COL28A1: variants seen among roughly 807,000 people sequenced by gnomAD.
COL28A1 encodes the protein collagen alpha-1(XXVIII) chain.
In COL28A1, 161 loss-of-function variants were observed where a neutral mutation model predicts 150.2. That is an observed-to-expected ratio of 1.07 (90% CI 0.94 to 1.22). The LOEUF is 1.22. Among genes scored for constraint, COL28A1 ranks in the 50% most tolerant of loss-of-function variants. The probability of loss-of-function intolerance (pLI) is 0.00; values close to 1 mark genes in which losing one functional copy is unlikely to be tolerated. For synonymous variants in COL28A1, 552 were observed against 469.7 expected (o/e 1.18, Z -2.26); for missense variants, 1,617 against 1,388.3 (o/e 1.16, Z -2.62).
chr7:7,377,159 T>C (rs17167062), intron 30 of COL28A1, among the ~76,000 whole-genome samples: 17,198 of 152,290 alleles, frequency 0.11, 1,385 homozygotes, highest in African/African-American at 0.22. Flanking sequence ...GAGCAATGCA[T>C]GTATCAAGGT....
Position 7,506,801 on chromosome 7 carries a change from GC to G in COL28A1, c.972+315del, listed in dbSNP as rs771588808. Reference sequence around the variant, plus strand: ...AGCAGTGCAAAAATAGTTACATCCTGCTTTTAACCACTTGACTTTCCATCTT... The same window carrying G: ...AGCAGTGCAAAAATAGTTACATCCTGTTTTAACCACTTGACTTTCCATCTT... On this transcript the variant is annotated intron_variant, in intron 10 of 34. Transcript: ENST00000399429. Among the ~76,000 whole-genome samples the G allele has an allele frequency of 9.2e-5, 14 of 152,226 alleles. No individual in the cohort carries two copies. In the South Asian group the frequency reaches 2.9e-3, roughly 32 times the overall value.
At chr7:7,347,845 G>A in the COL28A1 span, among the ~76,000 whole-genome samples, 6 of 152,166 alleles carry the variant, frequency 3.9e-5, no homozygotes, top group Admixed American at 3.9e-4. Context: ...TGGAGGGGAT[G>A]CTGAAACAGG....
At chr7:7,472,139 C>T (rs1788486270) in intron 15 of COL28A1, among the ~76,000 whole-genome samples, 1 of 152,062 alleles carries the variant, frequency 6.6e-6, no homozygotes, top group African/African-American at 2.4e-5. Context: ...TCTCACCACC[C>T]CTCTGACACA....
At position 7,490,548 on chromosome 7, in the gene COL28A1, A is replaced by G. The variant is rs138884888; in HGVS notation, c.1095+30T>C. The stretch of plus-strand genomic sequence containing the variant: ...AGGCCCTACAATAAATTCAACAGTC[A>G]TCAGTGGGCAAAAAGACAAGTATCT... On this transcript the variant is annotated intron_variant, in intron 12 of 34. Transcript: ENST00000399429. 1.1e-4 allele frequency: 102 copies of G among 939,314 alleles called. No homozygotes were observed. In the African/African-American group the frequency reaches 1.2e-3, roughly 11 times the overall value. The allele number at this position is 939,314 out of a possible 1,614,324, so 58.2% of individuals were successfully genotyped here.
chr7:7,384,194 T>A (rs1449034218), intron 27 of COL28A1, among the ~76,000 whole-genome samples: 1 of 152,178 alleles, frequency 6.6e-6, no homozygotes, highest in Non-Finnish European at 1.5e-5. Flanking sequence ...CACTTTGGTA[T>A]CTCTTGAGCC....
intron 12 of COL28A1, among the ~76,000 whole-genome samples, chr7:7,490,342 G>T (rs1217813563): frequency 6.6e-6 from 1 of 152,188 alleles, no homozygotes; most frequent in Non-Finnish European, 1.5e-5. Flanking sequence ...AAAAGGGTGG[G>T]TATTTGGAGA....
chr7:7,344,380 G>A, the COL28A1 span, among the ~76,000 whole-genome samples: 5 of 151,554 alleles, frequency 3.3e-5, no homozygotes, highest in South Asian at 2.1e-4. Flanking sequence ...ATCCTCTAAT[G>A]GCTTTTTAGT....
chr7:7,411,935 T>G (rs1783811991), intron 27 of COL28A1, among the ~76,000 whole-genome samples: 1 of 152,152 alleles, frequency 6.6e-6, no homozygotes, highest in African/African-American at 2.4e-5. Context: ...ATACTTTCTG[T>G]TCTCTTCTGG....
intron 8 of COL28A1, among the ~76,000 whole-genome samples, chr7:7,515,269 G>A (rs1268768438): frequency 6.6e-6 from 1 of 152,138 alleles, no homozygotes; most frequent in Non-Finnish European, 1.5e-5. Flanking sequence ...ATCCTAACTT[G>A]TAACTCGCAA....
intron 30 of COL28A1, among the ~76,000 whole-genome samples, chr7:7,377,859 G>A (rs1206521770): frequency 2.0e-5 from 3 of 150,738 alleles, no homozygotes; most frequent in African/African-American, 7.3e-5. Context: ...AGTAATGGAT[G>A]AGGAGGACAG....
intron 11 of COL28A1, among the ~76,000 whole-genome samples, chr7:7,504,097 C>A (rs1369828274): frequency 1.3e-5 from 2 of 152,136 alleles, no homozygotes; most frequent in African/African-American, 4.8e-5. Context: ...ATAACCAACC[C>A]CCCCAAAACA....
rs368027652 is a variant in COL28A1, at chr7:7,370,792, C to T, written c.2999G>A (p.Gly1000Glu). 9.3e-6 allele frequency: 15 copies of T among 1,613,566 alleles called. No individual in the cohort carries two copies. In the African/African-American group the frequency reaches 1.5e-4, roughly 16 times the overall value. ...QIFGSSSPQP[G>E]FGMSGEELSE... is the part of the protein sequence containing the mutation. ...GAGTTCTTCCCCTGACATCCCAAATCCAGGTTGAGGTGACGATGAACCAAA... is the reference window on the plus strand; with the variant it reads ...GAGTTCTTCCCCTGACATCCCAAATTCAGGTTGAGGTGACGATGAACCAAA... The change falls in exon 33 of 35, where the codon GGA becomes GAA. Residue 1000 changes from glycine (G) to glutamate (E), a missense_variant. Physicochemically the swap from Gly to Glu is moderately conservative, Grantham distance 98 (BLOSUM62 -2). Transcript: ENST00000399429.
At chr7:7,422,273 G>A (rs1430587853) in intron 25 of COL28A1, among the ~76,000 whole-genome samples, 1 of 152,086 alleles carries the variant, frequency 6.6e-6, no homozygotes, top group Admixed American at 6.6e-5. Flanking sequence ...CCCAGATTTG[G>A]TGGCTTCCTC....
intron 25 of COL28A1, among the ~76,000 whole-genome samples, chr7:7,420,471 G>A (rs1211785477): frequency 6.6e-6 from 1 of 152,234 alleles, no homozygotes; most frequent in Non-Finnish European, 1.5e-5. Context: ...CCTGATGAGG[G>A]TAGGTGACGC....
At position 7,511,127 on chromosome 7, in the gene COL28A1, A is replaced by G; in HGVS notation, c.891T>C (p.Arg297=). The stretch of plus-strand genomic sequence containing the variant: ...TTATCCCTGGTTTACCACATTCCCC[A>G]CGTTCACCCTAAAAAATAAATAAGT... The part of the protein sequence containing the change: ...IPGYKGDKGE[R]GECGKPGIKG... Residue 297 remains arginine (R), a synonymous_variant, in exon 9 of 35, where the codon CGT becomes CGC. Transcript: ENST00000399429. The G allele has an allele frequency of 6.2e-7, 1 of 1,611,836 alleles. No homozygotes were observed. Among genetic ancestry groups the G allele is most frequent in the East Asian group, 2.2e-5 (1 of 44,834 alleles).
At chr7:7,482,049 C>T (rs562742932) in intron 13 of COL28A1, among the ~76,000 whole-genome samples, 10 of 151,962 alleles carry the variant, frequency 6.6e-5, no homozygotes, top group African/African-American at 2.2e-4. Context: ...AAGTAGGTCT[C>T]GGAGCTAGAA....
intron 13 of COL28A1, among the ~76,000 whole-genome samples, chr7:7,477,486 G>C (rs938973303): frequency 6.6e-6 from 1 of 152,190 alleles, no homozygotes. Context: ...ATTGTGTCTG[G>C]AATTGGTGGG....
Position 7,531,840 on chromosome 7 carries a change from G to C in COL28A1, c.189C>G (p.Leu63=), listed in dbSNP as rs763035613. The C allele has an allele frequency of 1.2e-6, 2 of 1,607,974 alleles. No homozygotes were observed. Among genetic ancestry groups the C allele is most frequent in the South Asian group, 2.2e-5 (2 of 90,948 alleles). The change falls in exon 3 of 35, where the codon CTC becomes CTG. Residue 63 remains leucine (L), a synonymous_variant. Coordinates refer to ENST00000399429, the MANE Select transcript of COL28A1 (RefSeq NM_001037763.3). ...VDSSESSKIA[L]FDKQKDFVDS... The stretch of plus-strand genomic sequence containing the variant: ...CCACAAAATCTTTCTGTTTATCAAA[G>C]AGGGCAATTTTAGAACTTTCAGAGC...
chr7:7,539,105 C>T (rs1312412748), upstream of COL28A1, among the ~76,000 whole-genome samples: 1 of 152,190 alleles, frequency 6.6e-6, no homozygotes, highest in African/African-American at 2.4e-5. Context: ...ATTCTCTCAA[C>T]TCCTTCATCA....
Sources: allele counts gnomAD v4.1 joint callset (sites outside exome capture counted in the v4.1 genomes callset), GRCh38; gene constraint gnomAD v4.1.1; transcripts MANE v1.5; gene names NCBI Gene and HGNC (gene_info 2026-07-23, HGNC 2026-07-21).